The following SFMBT1 variants were observed in gnomAD, a reference collection of about 807,000 sequenced individuals.
SFMBT1 encodes scm-like with four MBT domains protein 1.
In SFMBT1, 32 loss-of-function variants were observed where a neutral mutation model predicts 108.7. The ratio of observed to expected loss-of-function variants is 0.29; its 90% CI spans 0.22 to 0.40. The LOEUF (loss-of-function observed/expected upper bound fraction) is 0.40, where lower values mean the gene tolerates loss of function less well. Among genes scored for constraint, SFMBT1 ranks in the 10% least tolerant of loss-of-function variants. The pLI is 1.00. For synonymous variants in SFMBT1, 348 were observed against 369.5 expected (o/e 0.94, Z 0.67); for missense variants, 816 against 1,059.6 (o/e 0.77, Z 3.19).
intron 3 of SFMBT1, among the ~76,000 whole-genome samples, chr3:52,945,534 G>A (rs543862403): frequency 1.3e-5 from 2 of 152,062 alleles, no homozygotes; most frequent in South Asian, 2.1e-4. Context: ...AGAGCCGGGC[G>A]CGGTGGCTCA....
intron 2 of SFMBT1, among the ~76,000 whole-genome samples, chr3:52,966,236 G>A (rs1386020822): frequency 3.3e-5 from 5 of 149,534 alleles, no homozygotes; most frequent in Non-Finnish European, 7.4e-5. Context: ...AGAATGGCGT[G>A]AACCCGGGAG....
At chr3:52,951,185 A>AC (rs1252084416) in intron 3 of SFMBT1, among the ~76,000 whole-genome samples, 3 of 138,792 alleles carry the variant, frequency 2.2e-5, no homozygotes, top group African/African-American at 5.4e-5. Context: ...CAAAAAAAAA[A>AC]AAAAAAACAC....
At chr3:52,925,328 G>A (rs981442808) in intron 10 of SFMBT1, among the ~76,000 whole-genome samples, 1 of 152,024 alleles carries the variant, frequency 6.6e-6, no homozygotes, top group African/African-American at 2.4e-5. Context: ...TAACTCTAAA[G>A]GAAGAAGAAT....
rs1238163089 is a variant in SFMBT1, at chr3:52,907,050, A to G, written c.2331+19T>C. On this transcript the variant is annotated intron_variant, in intron 19 of 20. Transcript: ENST00000394752. The stretch of plus-strand genomic sequence containing the variant: ...CCAGAGAGAAAGAAAGAAAAAAGAA[A>G]CTATTTTTTAAATGGTACCTTTGGT... 1.3e-6 allele frequency: 2 copies of G among 1,585,144 alleles called. No homozygotes were observed. Among genetic ancestry groups the G allele is most frequent in the Non-Finnish European group, 1.7e-6 (2 of 1,169,874 alleles).
intron 3 of SFMBT1, among the ~76,000 whole-genome samples, chr3:52,950,823 A>C (rs1703554642): frequency 6.6e-6 from 1 of 152,270 alleles, no homozygotes; most frequent in Non-Finnish European, 1.5e-5. Flanking sequence ...ATAAAGAATA[A>C]GAAATATTAG....
At chr3:52,907,000 AATAATC>A in intron 19 of SFMBT1, 63 bp downstream of exon 19, 2 of 1,523,406 alleles carry the variant, frequency 1.3e-6, no homozygotes, top group South Asian at 2.7e-5. Flanking sequence ...CAATATCACT[AATAATC>A]ATATTCCAGA....
intron 1 of SFMBT1, among the ~76,000 whole-genome samples, chr3:53,024,833 G>T (rs1409367770): frequency 6.6e-6 from 1 of 152,034 alleles, no homozygotes; most frequent in Non-Finnish European, 1.5e-5. Context: ...GAATATTATA[G>T]AATTATTTAA....
At chr3:52,932,590 A>T (rs1702890556) in intron 5 of SFMBT1, among the ~76,000 whole-genome samples, 1 of 152,208 alleles carries the variant, frequency 6.6e-6, no homozygotes, top group Non-Finnish European at 1.5e-5. Context: ...AAGAATTTTT[A>T]AAATATCATC....
intron 1 of SFMBT1, among the ~76,000 whole-genome samples, chr3:53,017,091 T>C (rs541343369): frequency 1.3e-5 from 2 of 152,338 alleles, no homozygotes; most frequent in Admixed American, 1.3e-4. Context: ...GAGTACTTTA[T>C]ATACAGTATA....
At chr3:52,919,082 C>T (rs1002291302) in intron 12 of SFMBT1, among the ~76,000 whole-genome samples, 11 of 152,204 alleles carry the variant, frequency 7.2e-5, no homozygotes, top group Middle Eastern at 3.4e-3. Context: ...CTCACTCGCC[C>T]GCCACTCACC....
chr3:52,945,261 G>C (rs938524128), intron 3 of SFMBT1, among the ~76,000 whole-genome samples: 1 of 151,744 alleles, frequency 6.6e-6, no homozygotes, highest in African/African-American at 2.4e-5. Flanking sequence ...AAAAAATTAT[G>C]GGAGTATGTT....
intron 1 of SFMBT1, among the ~76,000 whole-genome samples, chr3:53,034,071 C>CAA (rs61046895): frequency 7.7e-4 from 22 of 28,628 alleles, no homozygotes; most frequent in South Asian, 3.3e-3. Flanking sequence ...ACTCTGTCTC[C>CAA]AAAAAAAAAA....
intron 1 of SFMBT1, among the ~76,000 whole-genome samples, chr3:52,990,234 T>C (rs1170335927): frequency 6.6e-6 from 1 of 152,176 alleles, no homozygotes; most frequent in African/African-American, 2.4e-5. Context: ...AGTTTTCTCT[T>C]ATAGGATGTG....
intron 2 of SFMBT1, among the ~76,000 whole-genome samples, chr3:52,957,171 ACGC>A (rs1206132341): frequency 2.6e-5 from 4 of 152,254 alleles, no homozygotes; most frequent in South Asian, 2.1e-4. Context: ...GCATTCCTAT[ACGC>A]CAACAACAGA....
chr3:52,928,451 A>G (rs1702726422), intron 8 of SFMBT1, 110 bp from the exon 9 acceptor site: 1 of 1,072,970 alleles, frequency 9.3e-7, no homozygotes, highest in Admixed American at 2.5e-5. Flanking sequence ...GGGTATTAAT[A>G]ATACTAAACA....
chr3:52,908,989 T>C (rs1220129860), intron 17 of SFMBT1, among the ~76,000 whole-genome samples: 2 of 152,246 alleles, frequency 1.3e-5, no homozygotes, highest in Admixed American at 6.5e-5. Flanking sequence ...CTAGATCCTC[T>C]GCATTTTCAT....
At chr3:52,905,336 G>A in intron 20 of SFMBT1, 60 bp from the exon 21 acceptor site, 2 of 1,548,050 alleles carry the variant, frequency 1.3e-6, no homozygotes, top group Non-Finnish European at 1.8e-6. Context: ...GCTTGATCAT[G>A]ACAGCCTCTC....
intron 1 of SFMBT1, among the ~76,000 whole-genome samples, chr3:53,026,104 A>G (rs550652461): frequency 5.3e-5 from 8 of 152,380 alleles, no homozygotes; most frequent in Admixed American, 2.0e-4. Context: ...TATTAAAAGC[A>G]AAATTAATTA....
At chr3:53,000,302 TA>T (rs1376760098) in intron 1 of SFMBT1, among the ~76,000 whole-genome samples, 2 of 149,160 alleles carry the variant, frequency 1.3e-5, no homozygotes, top group East Asian at 1.9e-4. Flanking sequence ...TTGAAAGCAT[TA>T]AAAAAACAGT....
Sources: allele counts gnomAD v4.1 joint callset (sites outside exome capture counted in the v4.1 genomes callset), GRCh38; gene constraint gnomAD v4.1.1; transcripts MANE v1.5; gene names NCBI Gene and HGNC (gene_info 2026-07-23, HGNC 2026-07-21).